The following CRYBG1 variants were observed in gnomAD, a reference collection of about 807,000 sequenced individuals.
CRYBG1 encodes crystallin beta-gamma domain containing 1.
Under a neutral mutation model 189.2 loss-of-function variants are expected in CRYBG1, and 139 were observed. That is an observed-to-expected ratio of 0.73 (90% CI 0.64 to 0.85). The LOEUF is 0.85. Ranked by LOEUF, CRYBG1 falls within the 40% of genes least tolerant of loss-of-function variation. The probability of loss-of-function intolerance (pLI) is 0.00; values close to 1 mark genes in which losing one functional copy is unlikely to be tolerated. For synonymous variants in CRYBG1, 1,023 were observed against 1,017.1 expected (o/e 1.01, Z -0.11); for missense variants, 2,611 against 2,675.8 (o/e 0.98, Z 0.53).
At position 106,361,906 on chromosome 6, in the gene CRYBG1, GGCCA is replaced by G. The variant is rs1289751074; in HGVS notation, c.173+827_173+830del. Among the ~76,000 whole-genome samples the G allele has an allele frequency of 7.4e-5, 11 of 147,962 alleles. No homozygotes were observed. The East Asian group carries it at 8.1e-4, about 11-fold the overall frequency. On this transcript the variant is annotated intron_variant, in intron 1 of 21. Transcript: ENST00000633556. ...GTGTTTTTAAAATACACCCTATGAG[GGCCA>G]GAATAAAATTGTGCAAAATTTGCAT...
intron 2 of CRYBG1, among the ~76,000 whole-genome samples, chr6:106,480,004 T>C (rs1476551559): frequency 6.6e-6 from 1 of 152,214 alleles, no homozygotes; most frequent in Non-Finnish European, 1.5e-5. Context: ...GTCACAAAGA[T>C]TAAAACTCTG....
chr6:106,451,924 TA>T (rs1296389736), intron 2 of CRYBG1, 92 bp downstream of exon 2: 1 of 1,007,530 alleles, frequency 9.9e-7, no homozygotes, highest in Non-Finnish European at 1.4e-6. Flanking sequence ...AACACATACT[TA>T]AAAGTAATGG....
At chr6:106,550,810 C>T (rs1229401414) in intron 13 of CRYBG1, among the ~76,000 whole-genome samples, 1 of 151,892 alleles carries the variant, frequency 6.6e-6, no homozygotes, top group African/African-American at 2.4e-5. Context: ...ATTAAAAGAA[C>T]TAGGTTCTTC....
chr6:106,459,066 C>A (rs1460823617), intron 2 of CRYBG1, among the ~76,000 whole-genome samples: 3 of 152,078 alleles, frequency 2.0e-5, no homozygotes, highest in Non-Finnish European at 4.4e-5. Context: ...AGATTGGTTG[C>A]CTATGTATAG....
Position 106,465,643 on chromosome 6 carries a change from G to A in CRYBG1, c.312+13811G>A, listed in dbSNP as rs560225065. Among the ~76,000 whole-genome samples the A allele has an allele frequency of 3.9e-5, 6 of 152,276 alleles. No homozygotes were observed. The South Asian group carries it at 1.2e-3, about 32-fold the overall frequency. Reference sequence around the variant, plus strand: ...AAAAATCTTAAAAACAACTGGACTAGATTATGTATAATGTTTTTCCACCTC... The same window carrying A: ...AAAAATCTTAAAAACAACTGGACTAAATTATGTATAATGTTTTTCCACCTC... On this transcript the variant is annotated intron_variant, in intron 2 of 21. Transcript: ENST00000633556.
In CRYBG1 at chr6:106,512,403, A is replaced by T; in HGVS notation, c.1286A>T (p.Asp429Val). Reference sequence around the variant, plus strand: ...CGGAGGGGGTCGCAGAAATCCACCGACTCCCCCGGCGCGGACGCCGAGCTC... The same window carrying T: ...CGGAGGGGGTCGCAGAAATCCACCGTCTCCCCCGGCGCGGACGCCGAGCTC... ...GRRRGSQKST[D>V]SPGADAELPE... Residue 429 changes from aspartate (D) to valine (V), a missense_variant, in exon 3 of 22, where the codon GAC becomes GTC. Asp to Val is a radical substitution (Grantham distance 152). This residue lies in a region of CRYBG1 where 985 missense variants were observed against 924.4 expected (regional missense o/e 1.07). Coordinates refer to ENST00000633556, the MANE Select transcript of CRYBG1 (RefSeq NM_001371242.2). 1 of 1,608,140 alleles carries T rather than the reference A, an allele frequency of 6.2e-7. No individual in the cohort carries two copies.
intron 2 of CRYBG1, among the ~76,000 whole-genome samples, chr6:106,468,137 G>A (rs1772151509): frequency 6.6e-6 from 1 of 152,202 alleles, no homozygotes; most frequent in African/African-American, 2.4e-5. Context: ...GGAAATTAAA[G>A]AAATAGCTAA....
At chr6:106,473,501 G>A (rs1339947298) in intron 2 of CRYBG1, among the ~76,000 whole-genome samples, 1 of 152,138 alleles carries the variant, frequency 6.6e-6, no homozygotes, top group African/African-American at 2.4e-5. Context: ...AGCTGAGAGG[G>A]CCTAGAAACA....
chr6:106,532,929 G>A (rs1773909732), intron 8 of CRYBG1, among the ~76,000 whole-genome samples: 1 of 152,270 alleles, frequency 6.6e-6, no homozygotes, highest in African/African-American at 2.4e-5. Context: ...AATATATTCA[G>A]TAAATCTGTT....
chr6:106,366,806 G>A (rs1447194994), intron 1 of CRYBG1, among the ~76,000 whole-genome samples: 2 of 152,224 alleles, frequency 1.3e-5, no homozygotes, highest in Admixed American at 1.3e-4. Flanking sequence ...AGTAGCAGGG[G>A]CAATACTGGC....
chr6:106,455,656 A>G (rs1771871834), intron 2 of CRYBG1, among the ~76,000 whole-genome samples: 1 of 152,172 alleles, frequency 6.6e-6, no homozygotes, highest in Admixed American at 6.6e-5. Flanking sequence ...ATTATATGTG[A>G]CTATAGTGAT....
chr6:106,432,350 TA>T (rs1452408148), intron 1 of CRYBG1, among the ~76,000 whole-genome samples: 1 of 152,224 alleles, frequency 6.6e-6, no homozygotes, highest in Admixed American at 6.5e-5. Context: ...TAAGATTATA[TA>T]GTTTGAAGAA....
At chr6:106,525,049 C>T in intron 4 of CRYBG1, 84 bp from the exon 5 acceptor site, 1 of 1,369,644 alleles carries the variant, frequency 7.3e-7, no homozygotes, top group Non-Finnish European at 1.0e-6. Context: ...AAAGTGTGAT[C>T]TACCTACAGG....
intron 2 of CRYBG1, among the ~76,000 whole-genome samples, chr6:106,471,663 A>G (rs551880831): frequency 6.6e-6 from 1 of 152,156 alleles, no homozygotes; most frequent in Non-Finnish European, 1.5e-5. Context: ...CAACAAGGTG[A>G]CAGGTGGAGT....
chr6:106,548,290 C>T (rs1024962848), intron 13 of CRYBG1, among the ~76,000 whole-genome samples: 2 of 152,138 alleles, frequency 1.3e-5, no homozygotes, highest in Non-Finnish European at 2.9e-5. Flanking sequence ...CTTCTCCCCT[C>T]CCCCACTCCC....
At chr6:106,436,563 A>G (rs1001217479) in intron 1 of CRYBG1, among the ~76,000 whole-genome samples, 19 of 150,952 alleles carry the variant, frequency 1.3e-4, no homozygotes, top group Non-Finnish European at 2.5e-4. Flanking sequence ...CAAAGTGCTG[A>G]GATTAAGGCG....
chr6:106,491,168 G>A (rs979006833), intron 2 of CRYBG1, among the ~76,000 whole-genome samples: 26 of 152,156 alleles, frequency 1.7e-4, no homozygotes, highest in African/African-American at 6.0e-4. Context: ...AGCAGTTATT[G>A]CGTATGCTTA....
chr6:106,372,579 C>G (rs1770061280), intron 1 of CRYBG1, among the ~76,000 whole-genome samples: 1 of 152,194 alleles, frequency 6.6e-6, no homozygotes, highest in Admixed American at 6.6e-5. Context: ...ATGGCAAAAA[C>G]TGCAATTACT....
chr6:106,517,687 C>T (rs1026925075), intron 3 of CRYBG1, among the ~76,000 whole-genome samples: 2 of 151,810 alleles, frequency 1.3e-5, no homozygotes, highest in Non-Finnish European at 2.9e-5. Context: ...TTCCTTCAAC[C>T]ATAAGTTGGG....
Sources: gnomAD v4.1 joint callset for allele counts (sites outside exome capture counted in the v4.1 genomes callset) on GRCh38, gnomAD v4.1.1 for gene constraint, gnomAD v4.1.1 regional missense constraint, MANE v1.5 for transcripts, NCBI Gene and HGNC (gene_info 2026-07-23, HGNC 2026-07-21) for gene names.